The following SEMA6D variants were observed in gnomAD, a reference collection of about 807,000 sequenced individuals.
The protein encoded by SEMA6D is semaphorin-6D.
In SEMA6D, 35 loss-of-function variants were observed where a neutral mutation model predicts 106.6. The ratio of observed to expected loss-of-function variants is 0.33; its 90% confidence interval spans 0.25 to 0.44. The LOEUF is 0.44. Among genes scored for constraint, SEMA6D ranks in the 20% least tolerant of loss-of-function variants. The probability of loss-of-function intolerance (pLI) is 1.00; values close to 1 mark genes in which losing one functional copy is unlikely to be tolerated. For synonymous variants in SEMA6D, 499 were observed against 487.7 expected, an observed-to-expected ratio of 1.02 and a Z score of -0.31; for missense variants, 1,185 against 1,345.9, an observed-to-expected ratio of 0.88 and a Z score of 1.87.
intron 1 of SEMA6D, among the ~76,000 whole-genome samples, chr15:47,727,034 C>T (rs1054291623): frequency 1.3e-5 from 2 of 152,120 alleles, no homozygotes; most frequent in Non-Finnish European, 2.9e-5. Flanking sequence ...TTCCTAACCC[C>T]GATGTCAGCT....
intron 3 of SEMA6D, among the ~76,000 whole-genome samples, chr15:47,557,014 A>G (rs2142559125): frequency 6.6e-6 from 1 of 152,214 alleles, no homozygotes; most frequent in Non-Finnish European, 1.5e-5. Flanking sequence ...ACGACTTCTC[A>G]TGATTAAAAG....
At chr15:47,591,356 C>A in intron 3 of SEMA6D, among the ~76,000 whole-genome samples, 1 of 152,174 alleles carries the variant, frequency 6.6e-6, no homozygotes, top group Middle Eastern at 3.4e-3. Flanking sequence ...AACATGCAAC[C>A]CAGTAGCACA....
chr15:47,533,342 A>G (rs762732415), intron 3 of SEMA6D, among the ~76,000 whole-genome samples: 8 of 152,228 alleles, frequency 5.3e-5, no homozygotes, highest in Non-Finnish European at 1.2e-4. Context: ...TAATAAAGAG[A>G]CAAAAACTTT....
At chr15:47,223,309 T>C (rs2031373920) in intron 1 of SEMA6D, among the ~76,000 whole-genome samples, 3 of 152,120 alleles carry the variant, frequency 2.0e-5, no homozygotes, top group Non-Finnish European at 4.4e-5. Flanking sequence ...CTAAAACAAC[T>C]ACTCTTTGAG....
At chr15:47,464,955 A>G (rs1469423843) in intron 2 of SEMA6D, among the ~76,000 whole-genome samples, 3 of 152,110 alleles carry the variant, frequency 2.0e-5, no homozygotes, top group Admixed American at 1.3e-4. Flanking sequence ...TAATTTCACA[A>G]GTTTGCCATA....
intron 1 of SEMA6D, among the ~76,000 whole-genome samples, chr15:47,348,760 A>AGAGAGAGAGAGAGAGAGAGATT (rs1278377247): frequency 2.6e-5 from 3 of 115,978 alleles, no homozygotes; most frequent in Admixed American, 9.1e-5. Context: ...AGAGAGAGAG[A>AGAGAGAGAGAGAGAGAGAGATT]GAGAGATTTT....
At chr15:47,393,650 T>C (rs2145855831) in intron 1 of SEMA6D, among the ~76,000 whole-genome samples, 1 of 152,316 alleles carries the variant, frequency 6.6e-6, no homozygotes, top group Non-Finnish European at 1.5e-5. Flanking sequence ...TGTGTTACCA[T>C]AAACAACACT....
intron 3 of SEMA6D, among the ~76,000 whole-genome samples, chr15:47,542,381 T>A (rs1447767082): frequency 6.6e-6 from 1 of 152,196 alleles, no homozygotes; most frequent in Non-Finnish European, 1.5e-5. Context: ...CATTATGCTA[T>A]AGGTGCTACT....
At chr15:47,684,899 G>A (rs1021755756) in intron 4 of SEMA6D, among the ~76,000 whole-genome samples, 8 of 152,082 alleles carry the variant, frequency 5.3e-5, no homozygotes, top group African/African-American at 1.9e-4. Flanking sequence ...CTATACGCCA[G>A]GCTCAATGCC....
intron 18 of SEMA6D, among the ~76,000 whole-genome samples, chr15:47,769,798 A>C (rs2082534149): frequency 6.6e-6 from 1 of 152,142 alleles, no homozygotes; most frequent in South Asian, 2.1e-4. Flanking sequence ...GGTCTAATTT[A>C]AATATTTTCA....
At chr15:47,364,252 G>C (rs1489199891) in intron 1 of SEMA6D, among the ~76,000 whole-genome samples, 1 of 152,154 alleles carries the variant, frequency 6.6e-6, no homozygotes, top group African/African-American at 2.4e-5. Flanking sequence ...GGAGGTTGTG[G>C]AACTATTTTC....
At chr15:47,252,001 C>T (rs1352664137) in intron 1 of SEMA6D, among the ~76,000 whole-genome samples, 7 of 140,860 alleles carry the variant, frequency 5.0e-5, no homozygotes, top group Non-Finnish European at 7.6e-5. Flanking sequence ...CTGCAAGCTC[C>T]GCCTCCCGGG....
chr15:47,628,470 G>T (rs190199214), intron 4 of SEMA6D, among the ~76,000 whole-genome samples: 1 of 152,198 alleles, frequency 6.6e-6, no homozygotes, highest in East Asian at 1.9e-4. Flanking sequence ...GGTGTGAAAT[G>T]ATAGCTCAGC....
At chr15:47,407,418 C>A (rs12440275) in intron 1 of SEMA6D, among the ~76,000 whole-genome samples, 24,700 of 93,904 alleles carry the variant, frequency 0.26, 3,376 homozygotes, top group Middle Eastern at 0.41. Context: ...ACAAAAAAAA[C>A]AAAAAAAACA....
At chr15:47,718,309 C>T (rs1035339674) in intron 1 of SEMA6D, among the ~76,000 whole-genome samples, 4 of 152,196 alleles carry the variant, frequency 2.6e-5, no homozygotes, top group African/African-American at 9.6e-5. Context: ...GGCGGGCGAG[C>T]ATTAGCCTGC....
chr15:47,326,308 G>A (rs973773937), intron 1 of SEMA6D, among the ~76,000 whole-genome samples: 2 of 152,168 alleles, frequency 1.3e-5, no homozygotes, highest in African/African-American at 4.8e-5. Context: ...AATAATGACT[G>A]TGCTTTTAAC....
At chr15:47,191,725 TG>T (rs1223004487) in intron 1 of SEMA6D, among the ~76,000 whole-genome samples, 2 of 151,092 alleles carry the variant, frequency 1.3e-5, no homozygotes, top group African/African-American at 4.9e-5. Flanking sequence ...TACAGGATGT[TG>T]GGGGAGCTAT....
intron 1 of SEMA6D, among the ~76,000 whole-genome samples, chr15:47,364,497 C>G (rs542092391): frequency 1.3e-5 from 2 of 152,312 alleles, no homozygotes; most frequent in South Asian, 4.1e-4. Context: ...GCTGGAGAAG[C>G]AGCAGCATAA....
At chr15:47,564,261 C>T (rs1024799872) in intron 3 of SEMA6D, among the ~76,000 whole-genome samples, 3 of 152,184 alleles carry the variant, frequency 2.0e-5, no homozygotes, top group Non-Finnish European at 4.4e-5. Flanking sequence ...GAAATCCCCT[C>T]CCTGGAGGCA....
Sources: gnomAD v4.1 joint callset for allele counts (sites outside exome capture counted in the v4.1 genomes callset) on GRCh38, gnomAD v4.1.1 for gene constraint, MANE v1.5 for transcripts, NCBI Gene and HGNC (gene_info 2026-07-23, HGNC 2026-07-21) for gene names.